The following CAMK2G variants were observed in gnomAD, a reference collection of about 807,000 sequenced individuals.
CAMK2G encodes the protein calcium/calmodulin-dependent protein kinase type II subunit gamma.
CAMK2G carries 23 observed loss-of-function variants against 88.7 expected under a neutral mutation model. The observed-to-expected ratio is 0.26, with a 90% CI of 0.19 to 0.37. CAMK2G has a LOEUF of 0.37. Among genes scored for constraint, CAMK2G ranks in the 10% least tolerant of loss-of-function variants. The pLI is 1.00. For missense variants in CAMK2G, 476 were observed against 780.8 expected, an observed-to-expected ratio of 0.61 and a Z score of 4.65; for synonymous variants, 263 against 294.8, an observed-to-expected ratio of 0.89 and a Z score of 1.11.
intron 14 of CAMK2G, among the ~76,000 whole-genome samples, chr10:73,833,919 T>G (rs1157229374): frequency 1.6e-5 from 2 of 126,456 alleles, no homozygotes; most frequent in Admixed American, 7.8e-5. Context: ...GTTTTTTTTT[T>G]TTTTTTTTTT....
rs1415794759 is a variant in CAMK2G at position 73,874,495 on chromosome 10, G to A, written c.-34C>T. On this transcript the variant is annotated 5_prime_UTR_variant, in exon 1 of 23. Coordinates refer to ENST00000423381, the MANE Select transcript of CAMK2G (RefSeq NM_001367534.1). ...GCGGGCGGACGCGGCGGTGCAGCCC[G>A]CGCCGACGTCGGTGCACAGTCACCG... 3.1e-5 allele frequency: 44 copies of A among 1,439,978 alleles called. No individual in the cohort carries two copies. Among genetic ancestry groups the A allele is most frequent in the Non-Finnish European group, 4.1e-5 (44 of 1,079,856 alleles). 89.2% of individuals were successfully genotyped at this position (1,439,978 alleles called of 1,614,324 possible).
At chr10:73,853,763 G>A (rs890127556) in intron 3 of CAMK2G, among the ~76,000 whole-genome samples, 4 of 152,192 alleles carry the variant, frequency 2.6e-5, no homozygotes, top group Admixed American at 2.6e-4. Flanking sequence ...GGAAGGCCAC[G>A]CACACATTCA....
chr10:73,831,411 G>A (rs947930921), intron 14 of CAMK2G, among the ~76,000 whole-genome samples: 6 of 151,718 alleles, frequency 4.0e-5, no homozygotes, highest in Admixed American at 2.0e-4. Flanking sequence ...GGTGGCACGC[G>A]CCTGTAGTCC....
rs778838628 is a variant in CAMK2G at position 73,833,909 on chromosome 10, G to GTTTT, written c.1053+3555_1053+3558dup. Among the ~76,000 whole-genome samples, 45 of 63,418 alleles carry GTTTT rather than the reference G, an allele frequency of 7.1e-4. 9 individuals are homozygous for GTTTT. Among genetic ancestry groups the GTTTT allele is most frequent in the African/African-American group, 3.2e-3 (39 of 12,126 alleles). 41.6% of individuals were successfully genotyped at this position (63,418 alleles called of 152,430 possible). On this transcript the variant is annotated intron_variant, in intron 14 of 22. Transcript: ENST00000423381. Reference sequence around the variant, plus strand: ...CCACCACACCTAGCCTATCTACTGGGTTTTTTTTTTTTTTTTTTTTTTTTT... The same window carrying GTTTT: ...CCACCACACCTAGCCTATCTACTGGGTTTTTTTTTTTTTTTTTTTTTTTTTTTTT...
At chr10:73,871,826 GA>G (rs546349203) in intron 2 of CAMK2G, among the ~76,000 whole-genome samples, 307 of 152,268 alleles carry the variant, frequency 2.0e-3, no homozygotes, top group African/African-American at 7.2e-3. Flanking sequence ...TCAGGGAGTG[GA>G]CACGGCCCTG....
chr10:73,860,567 G>A (rs2095328647), intron 3 of CAMK2G, among the ~76,000 whole-genome samples: 1 of 152,168 alleles, frequency 6.6e-6, no homozygotes, highest in Non-Finnish European at 1.5e-5. Context: ...AAGACAGAAG[G>A]AGAAAGGGAA....
chr10:73,826,929 C>A (rs918763981), intron 15 of CAMK2G, among the ~76,000 whole-genome samples: 1 of 152,146 alleles, frequency 6.6e-6, no homozygotes, highest in African/African-American at 2.4e-5. Context: ...CCACAGACTG[C>A]GACAGGCTAG....
chr10:73,822,207 G>A (rs1215399438), intron 17 of CAMK2G, among the ~76,000 whole-genome samples: 1 of 152,070 alleles, frequency 6.6e-6, no homozygotes, highest in African/African-American at 2.4e-5. Flanking sequence ...TGCTCTTGTT[G>A]CACAGGCTGG....
At chr10:73,845,902 TTC>T (rs869221767) in intron 10 of CAMK2G, among the ~76,000 whole-genome samples, 7 of 149,906 alleles carry the variant, frequency 4.7e-5, no homozygotes, top group African/African-American at 7.4e-5. Flanking sequence ...TTCAATTCCC[TTC>T]TTTTTTTTTT....
In CAMK2G at chr10:73,849,009, T is replaced by C; in HGVS notation, c.517+4A>G. ...GCATTCCGGGAAGACAGGATCACCCTTACCAAACCAAGCCTGCTGCTCTCC... is the reference window on the plus strand; with the variant it reads ...GCATTCCGGGAAGACAGGATCACCCCTACCAAACCAAGCCTGCTGCTCTCC... On this transcript the variant is annotated splice_donor_region_variant and intron_variant, in intron 7 of 22. Coordinates refer to ENST00000423381, the MANE Select transcript of CAMK2G (RefSeq NM_001367534.1). 1 of 1,589,270 alleles carries C rather than the reference T, an allele frequency of 6.3e-7. No individual in the cohort carries two copies. Among genetic ancestry groups the C allele is most frequent in the Non-Finnish European group, 8.6e-7 (1 of 1,157,402 alleles).
intron 14 of CAMK2G, chr10:73,837,254 A>T (rs907940892): frequency 8.3e-5 from 52 of 623,092 alleles, no homozygotes; most frequent in Non-Finnish European, 1.5e-5. Flanking sequence ...ACTTCCCCTG[A>T]GTCATTCCCA....
chr10:73,871,798 T>C (rs1246218998), intron 2 of CAMK2G, among the ~76,000 whole-genome samples: 3 of 151,948 alleles, frequency 2.0e-5, no homozygotes, highest in African/African-American at 7.3e-5. Context: ...ACTAGAGGGA[T>C]GGAGAGAGAG....
Position 73,848,977 on chromosome 10 carries a change from G to C in CAMK2G, c.517+36C>G, listed in dbSNP as rs371509849. ...GCAGATCAGGAAGAGGAGGAAGGGC[G>C]GGGGCTGCATTCCGGGAAGACAGGA... On this transcript the variant is annotated intron_variant, in intron 7 of 22. Transcript: ENST00000423381. The surrounding 1 kb of genome is among the most constrained non-coding windows in gnomAD (Gnocchi z 4.5). 3 of 1,274,144 alleles carry C rather than the reference G, an allele frequency of 2.4e-6. No homozygotes were observed. Among genetic ancestry groups the C allele is most frequent in the Non-Finnish European group, 3.5e-6 (3 of 869,488 alleles). The allele number at this position is 1,274,144 out of a possible 1,614,324, so 78.9% of individuals were successfully genotyped here. A position where few individuals can be genotyped will look rare whatever the true frequency, so the allele number is the denominator to read the frequency against.
intron 2 of CAMK2G, among the ~76,000 whole-genome samples, chr10:73,866,015 T>G (rs532880718): frequency 2.0e-5 from 3 of 152,100 alleles, no homozygotes; most frequent in African/African-American, 7.2e-5. Context: ...CTCTGCAGGT[T>G]TTCCCCATCA....
chr10:73,854,839 G>T (rs898608547), intron 3 of CAMK2G, among the ~76,000 whole-genome samples: 7 of 152,024 alleles, frequency 4.6e-5, no homozygotes, highest in African/African-American at 9.7e-5. Context: ...GCCTGCCAGG[G>T]CCGGAGCCAG....
At chr10:73,830,252 C>T (rs2133870428) in intron 14 of CAMK2G, among the ~76,000 whole-genome samples, 1 of 152,308 alleles carries the variant, frequency 6.6e-6, no homozygotes. Context: ...CAGCACACTA[C>T]CACATTGTCT....
At chr10:73,818,787 T>A (rs2086671556) in intron 19 of CAMK2G, 1 of 456,134 alleles carries the variant, frequency 2.2e-6, no homozygotes, top group African/African-American at 2.0e-5. Flanking sequence ...CCCATCTGGA[T>A]GACCTGACTG....
chr10:73,860,854 G>A lies in CAMK2G; in HGVS notation c.196C>T (p.Arg66Ter). The change falls in exon 3 of 23, where the codon CGA (arginine) becomes TGA (stop). Residue 66 changes from arginine (R) to a stop codon, truncating the protein, a stop_gained. Transcript: ENST00000423381. LOFTEE classifies it high-confidence loss of function. ...CCGATGTTTGGATGTTTCAGAAGTC[G>A]ACATATCCGAGCCTCACGTTCTAGT... ...QKLEREARIC[R>*]LLKHPNIVRL... 1.9e-6 allele frequency: 3 copies of A among 1,613,600 alleles called. No individual in the cohort carries two copies. Among genetic ancestry groups the A allele is most frequent in the South Asian group, 1.1e-5 (1 of 91,058 alleles).
chr10:73,851,211 G>A (rs2094587834), intron 5 of CAMK2G, among the ~76,000 whole-genome samples: 1 of 152,262 alleles, frequency 6.6e-6, no homozygotes, highest in African/African-American at 2.4e-5. Flanking sequence ...AGCAGCCAGA[G>A]CTGCCACATA....
Sources: gnomAD v4.1 joint callset for allele counts (sites outside exome capture counted in the v4.1 genomes callset) on GRCh38, gnomAD v4.1.1 for gene constraint, Gnocchi (gnomAD v3.1) non-coding constraint, MANE v1.5 for transcripts, NCBI Gene and HGNC (gene_info 2026-07-23, HGNC 2026-07-21) for gene names.